Variants in ARID1A observed in about 807,000 individuals in gnomAD.
The protein encoded by ARID1A is AT-rich interactive domain-containing protein 1A.
Under a neutral mutation model 212.6 loss-of-function variants are expected in ARID1A, and 20 were observed. The ratio of observed to expected loss-of-function variants is 0.09; its 90% confidence interval spans 0.07 to 0.14. The LOEUF is 0.14. Among genes scored for constraint, ARID1A ranks in the 10% least tolerant of loss-of-function variants. ARID1A has a pLI of 1.00. For missense variants in ARID1A, 2,587 were observed against 3,059.0 expected, an observed-to-expected ratio of 0.85 and a Z score of 3.64; for synonymous variants, 1,376 against 1,222.1, an observed-to-expected ratio of 1.13 and a Z score of -2.63.
In ARID1A at chr1:26,761,553, G is replaced by A. The variant is rs2080992457; in HGVS notation, c.2251+80G>A. The A allele has an allele frequency of 6.5e-6, 9 of 1,383,082 alleles. No individual in the cohort carries two copies. The South Asian group carries it at 9.5e-5, about 15-fold the overall frequency. The allele number at this position is 1,383,082 out of a possible 1,614,324, so 85.7% of individuals were successfully genotyped here. Reference sequence around the variant, plus strand: ...CCTATGCAGTAGCTTTTGGAGAGCTGTTTGACCATGAAGCTTAGGACAATC... The same window carrying A: ...CCTATGCAGTAGCTTTTGGAGAGCTATTTGACCATGAAGCTTAGGACAATC... On this transcript the variant is annotated intron_variant, in intron 6 of 19. Coordinates refer to ENST00000324856, the MANE Select transcript of ARID1A (RefSeq NM_006015.6).
intron 4 of ARID1A, among the ~76,000 whole-genome samples, chr1:26,746,513 A>G (rs1446779503): frequency 6.6e-6 from 1 of 152,240 alleles, no homozygotes; most frequent in Non-Finnish European, 1.5e-5. Flanking sequence ...CTATCTTTGT[A>G]GAAACCACTA....
At chr1:26,765,954 ATTGT>A (rs1371534233) in intron 8 of ARID1A, 3 of 376,320 alleles carry the variant, frequency 8.0e-6, no homozygotes, top group Admixed American at 4.2e-5. Flanking sequence ...AGGAAGGCAG[ATTGT>A]TTGAGCTCAG....
chr1:26,734,933 C>G (rs370100178), intron 4 of ARID1A, among the ~76,000 whole-genome samples: 1 of 152,168 alleles, frequency 6.6e-6, no homozygotes, highest in African/African-American at 2.4e-5. Flanking sequence ...TACTCATTCA[C>G]GTTACCTTCC....
At chr1:26,712,069 A>G (rs1354425890) in intron 1 of ARID1A, among the ~76,000 whole-genome samples, 1 of 151,908 alleles carries the variant, frequency 6.6e-6, no homozygotes, top group Non-Finnish European at 1.5e-5. Context: ...TGACACAGCA[A>G]GACCCTGTCT....
intron 1 of ARID1A, among the ~76,000 whole-genome samples, chr1:26,705,713 C>T (rs1467759941): frequency 6.6e-6 from 1 of 152,162 alleles, no homozygotes; most frequent in South Asian, 2.1e-4. Context: ...CTTGAGTATT[C>T]TTCCTGAAAT....
Position 26,697,521 on chromosome 1 carries a change from C to T in ARID1A, c.1118C>T (p.Pro373Leu), listed in dbSNP as rs757699140. 1.0e-5 allele frequency: 14 copies of T among 1,400,040 alleles called. No homozygotes were observed. Among genetic ancestry groups the T allele is most frequent in the South Asian group, 6.2e-5 (4 of 64,340 alleles). 86.7% of individuals were successfully genotyped at this position (1,400,040 alleles called of 1,614,324 possible). ...GGGAGCAGCGGCGGCGGGGGGCAGC[C>T]GCTCGCCCGGACCCCTCAGGTACAC... ...SPGSSGGGGQPLARTPQPSSP... is the reference protein window; with the variant it reads ...SPGSSGGGGQLLARTPQPSSP... The change falls in exon 1 of 20, where the codon CCG (proline) becomes CTG (leucine). Residue 373 changes from proline to leucine, a missense_variant. This residue lies in a region of ARID1A where 735 missense variants were observed against 590.6 expected (regional missense o/e 1.24). Coordinates refer to ENST00000324856, the MANE Select transcript of ARID1A (RefSeq NM_006015.6).
chr1:26,740,926 G>A (rs11247594), intron 4 of ARID1A, among the ~76,000 whole-genome samples: 48,581 of 152,030 alleles, frequency 0.32, 9,930 homozygotes, highest in East Asian at 0.93. Context: ...GTGGGCAGGG[G>A]GAGTCTCATT....
At chr1:26,753,028 T>C (rs2080898379) in intron 4 of ARID1A, 2 of 152,232 alleles carry the variant, frequency 1.3e-5, no homozygotes, top group Admixed American at 6.5e-5. Context: ...TTCTTTATAC[T>C]TAACCTGTTG....
chr1:26,732,416 TGGCCAGAC>T (rs2080687835), intron 3 of ARID1A, among the ~76,000 whole-genome samples: 1 of 152,228 alleles, frequency 6.6e-6, no homozygotes, highest in South Asian at 2.1e-4. Context: ...AACTTGAAGT[TGGCCAGAC>T]ATTAGCATTT....
At chr1:26,702,766 G>A (rs2080343393) in intron 1 of ARID1A, among the ~76,000 whole-genome samples, 1 of 152,186 alleles carries the variant, frequency 6.6e-6, no homozygotes, top group East Asian at 1.9e-4. Context: ...GAAAGATGCT[G>A]CCCTGGTAGT....
chr1:26,748,516 C>A (rs894456956), intron 4 of ARID1A, among the ~76,000 whole-genome samples: 5 of 151,904 alleles, frequency 3.3e-5, no homozygotes, highest in African/African-American at 4.8e-5. Context: ...CTTTACAGTG[C>A]TCTTACTTCC....
At chr1:26,732,567 A>T in intron 3 of ARID1A, 109 bp from the exon 4 acceptor site, 1 of 845,144 alleles carries the variant, frequency 1.2e-6, no homozygotes, top group Non-Finnish European at 1.9e-6. Flanking sequence ...TCGCAACTGG[A>T]CTTTCTCTCA....
chr1:26,709,490 G>A (rs1570553909), intron 1 of ARID1A, among the ~76,000 whole-genome samples: 1 of 152,080 alleles, frequency 6.6e-6, no homozygotes, highest in Admixed American at 6.6e-5. Flanking sequence ...CAGCACCCCC[G>A]ACCCAGGACC....
At chr1:26,731,864 A>T (rs1248443466) in intron 3 of ARID1A, among the ~76,000 whole-genome samples, 2 of 152,200 alleles carry the variant, frequency 1.3e-5, no homozygotes, top group African/African-American at 4.8e-5. Context: ...AATTAAAGAT[A>T]ATGGGACTGG....
Position 26,767,904 on chromosome 1 carries a change from G to C in ARID1A, c.3103G>C (p.Ala1035Pro). 1 of 1,614,150 alleles carries C rather than the reference G, an allele frequency of 6.2e-7. No homozygotes were observed. Among genetic ancestry groups the C allele is most frequent in the Non-Finnish European group, 8.5e-7 (1 of 1,180,018 alleles). ...TTATCTGGCCTTCACTGAGGAGAAG[G>C]CCATGGGCATGACAAATCTGCCTGC... ...DRYLAFTEEK[A>P]MGMTNLPAVG... Residue 1035 changes from alanine (A) to proline (P), a missense_variant, in exon 11 of 20, where the codon GCC becomes CCC. Coordinates refer to ENST00000324856, the MANE Select transcript of ARID1A (RefSeq NM_006015.6).
chr1:26,755,978 C>T (rs529624714), intron 4 of ARID1A, among the ~76,000 whole-genome samples: 2 of 152,048 alleles, frequency 1.3e-5, no homozygotes, highest in East Asian at 1.9e-4. Flanking sequence ...CTCCTGACCT[C>T]GTGATCCTCC....
In ARID1A at chr1:26,731,705, G is replaced by A. The variant is rs2080679825; in HGVS notation, c.1803+101G>A. 2.3e-6 allele frequency: 3 copies of A among 1,304,690 alleles called. No individual in the cohort carries two copies. In the East Asian group the frequency reaches 7.0e-5, roughly 31 times the overall value. The allele number at this position is 1,304,690 out of a possible 1,614,324, so 80.8% of individuals were successfully genotyped here. A position where few individuals can be genotyped will look rare whatever the true frequency, so the allele number is the denominator to read the frequency against. On this transcript the variant is annotated intron_variant, in intron 3 of 19. Coordinates refer to ENST00000324856, the MANE Select transcript of ARID1A (RefSeq NM_006015.6). ...GCTGTACAGAGTGGTTCTCTAACGT[G>A]CACTTAAAGACCAATTAAACTCTGG... is the stretch of plus-strand genomic sequence containing the variant.
At chr1:26,730,203 A>G (rs920845609) in intron 2 of ARID1A, among the ~76,000 whole-genome samples, 2 of 152,238 alleles carry the variant, frequency 1.3e-5, no homozygotes, top group Non-Finnish European at 2.9e-5. Flanking sequence ...AAAACCATTC[A>G]TATCATGTGC....
rs552165524 is a variant in ARID1A, at chr1:26,766,418, T to C, written c.2879-39T>C. On this transcript the variant is annotated intron_variant, in intron 9 of 19. Transcript: ENST00000324856. Reference sequence around the variant, plus strand: ...ATTTCTTCAAGAGTCACATCACAGCTAAACTTACTGGACTTGAGAATTTTT... The same window carrying C: ...ATTTCTTCAAGAGTCACATCACAGCCAAACTTACTGGACTTGAGAATTTTT... 131 of 1,613,982 alleles carry C rather than the reference T, an allele frequency of 8.1e-5. No homozygotes were observed. The South Asian group carries it at 8.9e-4, about 11-fold the overall frequency.
Sources: allele counts gnomAD v4.1 joint callset (sites outside exome capture counted in the v4.1 genomes callset), GRCh38; gene constraint gnomAD v4.1.1; regional missense constraint gnomAD v4.1.1; transcripts MANE v1.5; gene names NCBI Gene and HGNC (gene_info 2026-07-23, HGNC 2026-07-21).